The following CYP11B1 variants were observed in gnomAD, a reference collection of about 807,000 sequenced individuals.
The protein encoded by CYP11B1 is cytochrome P450 family 11 subfamily B member 1, also known as cytochrome P450 11B1, mitochondrial.
CYP11B1 carries 34 observed loss-of-function variants against 48.3 expected under a neutral mutation model. That is an observed-to-expected ratio of 0.70 (90% CI 0.54 to 0.94). CYP11B1 has a LOEUF of 0.94. CYP11B1 is among the 40% of genes least tolerant of loss of function. The pLI, the probability that CYP11B1 is intolerant of heterozygous loss-of-function variation, is 0.00. For synonymous variants in CYP11B1, 291 were observed against 262.5 expected, an observed-to-expected ratio of 1.11 and a Z score of -1.05; for missense variants, 688 against 657.4, an observed-to-expected ratio of 1.05 and a Z score of -0.51.
At chr8:142,876,608 G>T (rs1816959268) in intron 4 of CYP11B1, 74 bp downstream of exon 4, 1 of 1,563,902 alleles carries the variant, frequency 6.4e-7, no homozygotes, top group Admixed American at 1.9e-5. Flanking sequence ...ATTCCCCACT[G>T]GGTGGTGGAG....
chr8:142,878,173 C>T (rs537382037), intron 2 of CYP11B1, among the ~76,000 whole-genome samples: 3 of 152,320 alleles, frequency 2.0e-5, no homozygotes, highest in Admixed American at 6.5e-5. Flanking sequence ...CCCTTCCTTC[C>T]GTTATGTGCA....
chr8:142,874,936 C>A (rs1391461470), intron 8 of CYP11B1, 21 bp downstream of exon 8: 2 of 1,611,574 alleles, frequency 1.2e-6, no homozygotes, highest in African/African-American at 1.3e-5. Flanking sequence ...CCAGGCCCCT[C>A]CCCAGCCCGG....
chr8:142,879,285 T>G (rs915391730), intron 1 of CYP11B1, 98 bp from the exon 2 acceptor site: 11 of 1,608,074 alleles, frequency 6.8e-6, no homozygotes, highest in African/African-American at 5.3e-5. Context: ...CACCCTCCCC[T>G]CTCCTGGATT....
At position 142,876,270 on chromosome 8, in the gene CYP11B1, T is replaced by C. The variant is rs1159410038; in HGVS notation, c.925A>G (p.Met309Val). Residue 309 changes from methionine (M) to valine (V), a missense_variant, in exon 5 of 9, where the codon ATG becomes GTG. Transcript: ENST00000292427. ...TCCACGCTCCCTGCAGTGAGTTCCA[T>C]AGAGTTGGCCTTGATGGCATCTGGC... ...LSPDAIKANS[M>V]ELTAGSVDTT... is the part of the protein sequence containing the mutation. The C allele has an allele frequency of 1.9e-6, 3 of 1,614,078 alleles. No individual in the cohort carries two copies. Among genetic ancestry groups the C allele is most frequent in the Non-Finnish European group, 1.7e-6 (2 of 1,180,046 alleles).
At chr8:142,876,638 A>G (rs747270909) in intron 4 of CYP11B1, 44 bp downstream of exon 4, 10 of 1,581,216 alleles carry the variant, frequency 6.3e-6, no homozygotes, top group Non-Finnish European at 8.6e-6. Flanking sequence ...TTGGGCCCCC[A>G]TGGTGTCCCT....
rs371954555 is a variant in CYP11B1, at chr8:142,872,525, G to T, written c.*1848C>A. On this transcript the variant is annotated 3_prime_UTR_variant, in exon 9 of 9. Coordinates refer to ENST00000292427, the MANE Select transcript of CYP11B1 (RefSeq NM_000497.4). ...GCACATAACATGTTTGATTTCATAGGTTCGCAGCAAGAACAGTTGGACTCA... is the reference window on the plus strand; with the variant it reads ...GCACATAACATGTTTGATTTCATAGTTTCGCAGCAAGAACAGTTGGACTCA... 4.6e-5 allele frequency: 7 copies of T among 152,262 alleles called. No homozygotes were observed. Among genetic ancestry groups the T allele is most frequent in the African/African-American group, 1.7e-4 (7 of 41,556 alleles). 9.4% of individuals were successfully genotyped at this position (152,262 alleles called of 1,614,324 possible). A position where few individuals can be genotyped will look rare whatever the true frequency, so the allele number is the denominator to read the frequency against.
rs1398391326 is a variant in CYP11B1, at chr8:142,874,989, C to T, written c.1366G>A (p.Ala456Thr). 1.9e-6 allele frequency: 3 copies of T among 1,614,094 alleles called. No individual in the cohort carries two copies. The highest frequency in any genetic ancestry group is 1.3e-5 in the African/African-American group (1 of 75,064). The change falls in exon 8 of 9, where the codon GCA becomes ACA. Residue 456 changes from alanine (A) to threonine (T), a missense_variant. Ala to Thr is a moderately conservative substitution (Grantham distance 58, BLOSUM62 0). Transcript: ENST00000292427. ...AGCAGCAGCAGCATCTCTGCCTCTG[C>T]CAGGCGCCGCCCAAGGCACTGGCGC... ...GMRQCLGRRL[A>T]EAEMLLLLHH...
At chr8:142,877,259 A>G (rs781398781) in intron 2 of CYP11B1, 37 bp from the exon 3 acceptor site, 4 of 1,555,878 alleles carry the variant, frequency 2.6e-6, no homozygotes, top group South Asian at 1.2e-5. Context: ...AGGCCGCCCC[A>G]GCAAGACACA....
At position 142,879,042 on chromosome 8, in the gene CYP11B1, C is replaced by G. The variant is rs377423817; in HGVS notation, c.385G>C (p.Val129Leu). 157 of 1,614,176 alleles carry G rather than the reference C, an allele frequency of 9.7e-5. No individual in the cohort carries two copies. The highest frequency in any genetic ancestry group is 1.2e-4 in the Non-Finnish European group (142 of 1,180,040). The stretch of plus-strand genomic sequence containing the variant: ...CAGCTCGCCGCTTACAGCAAGAACA[C>G]GCCACATTTGTGCCCACGATGTTGT... ...YRQHRGHKCG[V>L]FLLNGPEWRF... is the part of the protein sequence containing the mutation. Residue 129 changes from valine (V) to leucine (L), a missense_variant, in exon 2 of 9, where the codon GTG becomes CTG. Transcript: ENST00000292427.
At position 142,876,528 on chromosome 8, in the gene CYP11B1, C is replaced by T. The variant is rs1816956686; in HGVS notation, c.800-133G>A. 14 of 1,545,610 alleles carry T rather than the reference C, an allele frequency of 9.1e-6. No homozygotes were observed. The Middle Eastern group carries it at 6.1e-4, about 67-fold the overall frequency. On this transcript the variant is annotated intron_variant, in intron 4 of 8. Transcript: ENST00000292427. Reference sequence around the variant, plus strand: ...CCCAAATTCTCCGGATCAGCCCAGCCCAGCCCCAGCCTCGCACCAATCTCC... The same window carrying T: ...CCCAAATTCTCCGGATCAGCCCAGCTCAGCCCCAGCCTCGCACCAATCTCC...
Position 142,874,193 on chromosome 8 carries a change from T to A in CYP11B1, c.*180A>T. 3.1e-6 allele frequency: 2 copies of A among 644,802 alleles called. No individual in the cohort carries two copies. The highest frequency in any genetic ancestry group is 3.5e-5 in the South Asian group (2 of 57,406). 39.9% of individuals were successfully genotyped at this position (644,802 alleles called of 1,614,324 possible). A position where few individuals can be genotyped will look rare whatever the true frequency, so the allele number is the denominator to read the frequency against. On this transcript the variant is annotated 3_prime_UTR_variant, in exon 9 of 9. Transcript: ENST00000292427. ...ATCTTCCCCAGCTGTGCCCTGGCAT[T>A]GCTGCTTAGCCTGGCAAACCCTGGT...
At position 142,879,076 on chromosome 8, in the gene CYP11B1, C is replaced by A. The variant is rs748036339; in HGVS notation, c.351G>T (p.Val117=). ...HPHRMSLEPW[V]AYRQHRGHKC... ...TGTGCCCACGATGTTGTCTGTAGGC[C>A]ACCCAGGGCTCCAGGCTCATCCTGT... Residue 117 remains valine (V), a synonymous_variant, in exon 2 of 9, where the codon GTG becomes GTT. Coordinates refer to ENST00000292427, the MANE Select transcript of CYP11B1 (RefSeq NM_000497.4). 3.1e-6 allele frequency: 5 copies of A among 1,614,176 alleles called. No homozygotes were observed. Among genetic ancestry groups the A allele is most frequent in the Non-Finnish European group, 4.2e-6 (5 of 1,180,038 alleles).
rs765676068 is a variant in CYP11B1, at chr8:142,875,171, G to C, written c.1201-17C>G. 1.9e-6 allele frequency: 3 copies of C among 1,614,152 alleles called. No homozygotes were observed. The highest frequency in any genetic ancestry group is 2.5e-6 in the Non-Finnish European group (3 of 1,180,058). ...CACCAATGTCTGCGGACGGTGCAGA[G>C]CGGGGATCAGGGAATGACTGGGGAG... is the stretch of plus-strand genomic sequence containing the variant. On this transcript the variant is annotated splice_polypyrimidine_tract_variant and intron_variant, in intron 7 of 8. Transcript: ENST00000292427.
At chr8:142,875,992 G>C (rs542568445) in intron 5 of CYP11B1, 114 bp from the exon 6 acceptor site, 2 of 1,339,340 alleles carry the variant, frequency 1.5e-6, no homozygotes, top group Admixed American at 1.8e-5. Flanking sequence ...CCCTGAGAAC[G>C]ACAGAGCCCA....
At position 142,879,204 on chromosome 8, in the gene CYP11B1, G is replaced by A. The variant is rs199613556; in HGVS notation, c.240-17C>T. ...AAGTCGTACCTGTGGGGCCAAGCAC[G>A]AGGCCGTGCTGGATGGGACCATGTC... On this transcript the variant is annotated splice_polypyrimidine_tract_variant and intron_variant, in intron 1 of 8. Coordinates refer to ENST00000292427, the MANE Select transcript of CYP11B1 (RefSeq NM_000497.4). 1.7e-5 allele frequency: 27 copies of A among 1,613,776 alleles called. No individual in the cohort carries two copies. The highest frequency in any genetic ancestry group is 8.3e-5 in the Admixed American group (5 of 60,004).
In CYP11B1 at chr8:142,875,783, G is replaced by A. The variant is rs1387405301; in HGVS notation, c.1050C>T (p.Ser350=). The change falls in exon 6 of 9, where the codon AGC becomes AGT. Residue 350 remains serine (S), a synonymous_variant. Coordinates refer to ENST00000292427, the MANE Select transcript of CYP11B1 (RefSeq NM_000497.4). The part of the protein sequence containing the change: ...LRQESLAAAA[S]ISEHPQKATT... Reference sequence around the variant, plus strand: ...TTGCCTTCTGGGGATGTTCACTGATGCTGGCTGCGGCGGCCAGGCTCTCCT... The same window carrying A: ...TTGCCTTCTGGGGATGTTCACTGATACTGGCTGCGGCGGCCAGGCTCTCCT... The A allele has an allele frequency of 4.3e-6, 7 of 1,614,128 alleles. No homozygotes were observed. Among genetic ancestry groups the A allele is most frequent in the African/African-American group, 1.3e-5 (1 of 75,038 alleles).
chr8:142,877,915 C>A, intron 2 of CYP11B1: 2 of 1,161,964 alleles, frequency 1.7e-6, no homozygotes, highest in South Asian at 1.3e-5. Context: ...GATGCACATG[C>A]TCACATGCGC....
Position 142,875,862 on chromosome 8 carries a change from A to T in CYP11B1, c.971T>A (p.Leu324Gln). 1.9e-6 allele frequency: 3 copies of T among 1,614,142 alleles called. No homozygotes were observed. The highest frequency in any genetic ancestry group is 2.5e-6 in the Non-Finnish European group (3 of 1,180,020). Residue 324 changes from leucine (L) to glutamine (Q), a missense_variant, in exon 6 of 9, where the codon CTG becomes CAG. By Grantham distance (113) the Leu-to-Gln change is moderately radical (BLOSUM62 -2). Coordinates refer to ENST00000292427, the MANE Select transcript of CYP11B1 (RefSeq NM_000497.4). The stretch of plus-strand genomic sequence containing the variant: ...CCGAGCCAGCTCAAAGAGCGTCATC[A>T]GCAAGGGAAACACCGTCTGCAGGAG... Reference protein sequence around the residue: ...GSVDTTVFPLLMTLFELARNP... With the variant: ...GSVDTTVFPLQMTLFELARNP...
chr8:142,877,501 A>T (rs139090252), intron 2 of CYP11B1, among the ~76,000 whole-genome samples: 658 of 151,982 alleles, frequency 4.3e-3, no homozygotes, highest in Admixed American at 6.8e-3. Context: ...TGGCACCCCA[A>T]GTCTGGCACC....
Sources: gnomAD v4.1 joint callset for allele counts (sites outside exome capture counted in the v4.1 genomes callset) on GRCh38, gnomAD v4.1.1 for gene constraint, MANE v1.5 for transcripts, NCBI Gene and HGNC (gene_info 2026-07-23, HGNC 2026-07-21) for gene names.